The following DCDC1 variants were observed in gnomAD, a reference collection of about 807,000 sequenced individuals.
DCDC1 encodes the protein doublecortin domain-containing protein 1.
Under a neutral mutation model 178.3 loss-of-function variants are expected in DCDC1, and 200 were observed. The observed-to-expected ratio is 1.12, with a 90% confidence interval of 1.00 to 1.26. The LOEUF (loss-of-function observed/expected upper bound fraction) is 1.26. Ranked by LOEUF, DCDC1 falls within the 50% of genes most tolerant of loss-of-function variation. The pLI is 0.00. For synonymous variants in DCDC1, 690 were observed against 604.8 expected (o/e 1.14, Z -2.07); for missense variants, 1,983 against 1,749.2 (o/e 1.13, Z -2.38).
intron 9 of DCDC1, among the ~76,000 whole-genome samples, chr11:31,142,101 C>T (rs900934589): frequency 3.9e-5 from 6 of 152,104 alleles, no homozygotes; most frequent in African/African-American, 7.2e-5. Flanking sequence ...TGTATGGGAA[C>T]GGGAGGTGGC....
chr11:31,203,812 C>A (rs1971570314), intron 9 of DCDC1, among the ~76,000 whole-genome samples: 1 of 152,142 alleles, frequency 6.6e-6, no homozygotes, highest in South Asian at 2.1e-4. Flanking sequence ...CAAGATATCA[C>A]TATCACTGCT....
chr11:31,164,815 G>T (rs189613707), intron 9 of DCDC1, among the ~76,000 whole-genome samples: 58 of 152,176 alleles, frequency 3.8e-4, no homozygotes, highest in Non-Finnish European at 6.2e-4. Flanking sequence ...CCACAGTAGC[G>T]TTCAGTAATA....
chr11:31,221,518 C>G (rs921040334), intron 9 of DCDC1, among the ~76,000 whole-genome samples: 2 of 152,178 alleles, frequency 1.3e-5, no homozygotes, highest in Admixed American at 1.3e-4. Context: ...TGTCTCTCCG[C>G]CCCATCCACA....
intron 6 of DCDC1, among the ~76,000 whole-genome samples, chr11:31,294,616 G>T (rs1163473722): frequency 1.3e-4 from 3 of 23,052 alleles, no homozygotes; most frequent in Non-Finnish European, 2.7e-4. Flanking sequence ...GAGGGGAGGG[G>T]AGGGGAGGGG....
chr11:31,294,231 C>A (rs531732173), intron 6 of DCDC1, among the ~76,000 whole-genome samples: 3 of 151,868 alleles, frequency 2.0e-5, no homozygotes, highest in Non-Finnish European at 4.4e-5. Flanking sequence ...GTATTCCAAG[C>A]AGAGTGAAAA....
chr11:31,333,816 TTCC>T (rs1266514979), intron 2 of DCDC1, among the ~76,000 whole-genome samples: 5 of 152,224 alleles, frequency 3.3e-5, no homozygotes, highest in African/African-American at 1.2e-4. Context: ...TTAACATTTT[TTCC>T]TCCTTTCAAC....
At chr11:31,245,278 TTTTGGAG>T (rs1484749555) in intron 8 of DCDC1, among the ~76,000 whole-genome samples, 3 of 151,420 alleles carry the variant, frequency 2.0e-5, no homozygotes, top group African/African-American at 7.3e-5. Flanking sequence ...TCCTAAAACC[TTTTGGAG>T]TTTGAAGTCA....
intron 9 of DCDC1, among the ~76,000 whole-genome samples, chr11:31,155,491 T>C (rs1462695743): frequency 6.6e-6 from 1 of 152,234 alleles, no homozygotes; most frequent in African/African-American, 2.4e-5. Context: ...CTCCTTCCTT[T>C]GAATTCTTTT....
At position 31,325,983 on chromosome 11, in the gene DCDC1, AT is replaced by A. The variant is rs377244803; in HGVS notation, c.164+2133del. On this transcript the variant is annotated intron_variant, in intron 3 of 38. Transcript: ENST00000684477. ...TAATACCAATGGCTCTTAAATTACC[AT>A]TAGCCTTTATGAACTTGACCCCTTT... is the stretch of plus-strand genomic sequence containing the variant. Among the ~76,000 whole-genome samples the A allele has an allele frequency of 3.0e-3, 450 of 152,252 alleles. 2 individuals are homozygous for A. The highest frequency in any genetic ancestry group is 0.01 in the African/African-American group (416 of 41,554).
chr11:31,125,064 A>C (rs1186976099), intron 11 of DCDC1, among the ~76,000 whole-genome samples: 4 of 152,200 alleles, frequency 2.6e-5, no homozygotes, highest in Non-Finnish European at 5.9e-5. Context: ...ATTTACATGG[A>C]ACTTAAGCAA....
rs1220366011 is a variant in DCDC1 at position 30,999,992 on chromosome 11, G to A, written c.2592-47424C>T. 4.6e-5 allele frequency among the ~76,000 whole-genome samples: 7 copies of A among 151,986 alleles called. No individual in the cohort carries two copies. In the South Asian group the frequency reaches 6.2e-4, roughly 14 times the overall value. Reference sequence around the variant, plus strand: ...AGTCACCAACCAGAAAGAAAAGGTCGGTCAAAGCCAGTGGCTTCAGGTAAG... The same window carrying A: ...AGTCACCAACCAGAAAGAAAAGGTCAGTCAAAGCCAGTGGCTTCAGGTAAG... On this transcript the variant is annotated intron_variant, in intron 20 of 38. Transcript: ENST00000684477.
intron 22 of DCDC1, among the ~76,000 whole-genome samples, chr11:30,930,960 T>TA (rs1311693864): frequency 6.6e-6 from 1 of 152,140 alleles, no homozygotes; most frequent in Non-Finnish European, 1.5e-5. Flanking sequence ...ATCTGAATGT[T>TA]ACTCATTGTT....
chr11:30,888,112 AAG>A (rs764722493), intron 36 of DCDC1, among the ~76,000 whole-genome samples: 6 of 133,066 alleles, frequency 4.5e-5, no homozygotes, highest in East Asian at 2.1e-4. Flanking sequence ...GAAAGAAAGA[AAG>A]AAAGAAAGAA....
intron 34 of DCDC1, among the ~76,000 whole-genome samples, chr11:30,895,136 C>T (rs1344835241): frequency 6.6e-6 from 1 of 152,244 alleles, no homozygotes; most frequent in East Asian, 1.9e-4. Flanking sequence ...GATCTCTAAG[C>T]TTATTAAGTA....
rs371628724 is a variant in DCDC1, at chr11:31,332,793, A to G, written c.-7+2654T>C. 4.3e-4 allele frequency among the ~76,000 whole-genome samples: 65 copies of G among 152,218 alleles called. 3 individuals carry two copies. The East Asian group carries it at 0.011, about 25-fold the overall frequency. ...TCACATTTGCTGAGGAGTGCTTTTA[A>G]CTTCCAACTATGTGGTCAATTTTGG... On this transcript the variant is annotated intron_variant, in intron 2 of 38. Coordinates refer to ENST00000684477, the MANE Select transcript of DCDC1 (RefSeq NM_001387274.1).
Position 31,257,351 on chromosome 11 carries a change from T to C in DCDC1, c.1054+8156A>G, listed in dbSNP as rs111419754. Among the ~76,000 whole-genome samples, 1,256 of 152,316 alleles carry C rather than the reference T, an allele frequency of 8.2e-3. 22 individuals are homozygous for C. Among genetic ancestry groups the C allele is most frequent in the African/African-American group, 0.029 (1,200 of 41,572 alleles). On this transcript the variant is annotated intron_variant, in intron 8 of 38. Coordinates refer to ENST00000684477, the MANE Select transcript of DCDC1 (RefSeq NM_001387274.1). ...AAAGTAGGCTCTACATTTTATCGTA[T>C]AAATTTTAACCATGGTTCTAAATCT...
intron 10 of DCDC1, among the ~76,000 whole-genome samples, chr11:31,131,195 A>AT (rs545854365): frequency 3.9e-5 from 1 of 25,876 alleles, no homozygotes; most frequent in Non-Finnish European, 9.9e-5. Flanking sequence ...TCTCAAAAAA[A>AT]AAAAAAAAGA....
chr11:31,171,124 G>T (rs1486214612), intron 9 of DCDC1, among the ~76,000 whole-genome samples: 4 of 152,104 alleles, frequency 2.6e-5, no homozygotes, highest in African/African-American at 9.7e-5. Flanking sequence ...CATTGCGCCA[G>T]GCTGAAAATC....
intron 16 of DCDC1, 113 bp downstream of exon 16, chr11:31,093,937 T>G: frequency 1.5e-6 from 1 of 670,658 alleles, no homozygotes; most frequent in Non-Finnish European, 2.7e-6. Context: ...AGCCAACAAT[T>G]TATCACGCTT....
Sources: allele counts gnomAD v4.1 joint callset (sites outside exome capture counted in the v4.1 genomes callset), GRCh38; gene constraint gnomAD v4.1.1; transcripts MANE v1.5; gene names NCBI Gene and HGNC (gene_info 2026-07-23, HGNC 2026-07-21).